GABRE: variants seen among roughly 807,000 people sequenced by gnomAD.
GABRE encodes gamma-aminobutyric acid type A receptor subunit epsilon, also known as gamma-aminobutyric acid receptor subunit epsilon.
GABRE carries 20 observed loss-of-function variants against 31.0 expected under a neutral mutation model. The ratio of observed to expected loss-of-function variants is 0.64; its 90% CI spans 0.45 to 0.94. The LOEUF (loss-of-function observed/expected upper bound fraction) is 0.94. Ranked by LOEUF, GABRE falls within the 40% of genes least tolerant of loss-of-function variation. The probability of loss-of-function intolerance (pLI) is 0.00; values close to 1 mark genes in which losing one functional copy is unlikely to be tolerated. For synonymous variants in GABRE, 155 were observed against 150.6 expected (o/e 1.03, Z -0.21); for missense variants, 420 against 410.7 (o/e 1.02, Z -0.20).
At chrX:151,957,618 C>T (rs933187733) in intron 6 of GABRE, 1 of 250,348 alleles carries the variant, frequency 4.0e-6, no homozygotes, top group Non-Finnish European at 7.5e-6. Flanking sequence ...TTTATTCTGG[C>T]CAAAAAAGAA....
intron 1 of GABRE, among the ~76,000 whole-genome samples, chrX:151,970,728 T>C (rs950938378): frequency 1.8e-5 from 2 of 112,364 alleles, no homozygotes; most frequent in African/African-American, 6.5e-5. Context: ...GCTGGCCCAC[T>C]GTGACTAGCC....
chrX:151,971,623 T>G (rs1337412532), intron 1 of GABRE: 4 of 124,611 alleles, frequency 3.2e-5, no homozygotes, highest in African/African-American at 1.3e-4. Flanking sequence ...AATTGGAGGG[T>G]GGGTGGTGTA....
intron 2 of GABRE, 98 bp downstream of exon 2, chrX:151,970,087 G>C: frequency 2.6e-6 from 3 of 1,162,597 alleles, no homozygotes; most frequent in Non-Finnish European, 3.4e-6. Flanking sequence ...CTGTCCATGA[G>C]CATGGCACCC....
intron 1 of GABRE, among the ~76,000 whole-genome samples, chrX:151,972,864 C>T (rs1418482776): frequency 2.3e-5 from 2 of 88,520 alleles, no homozygotes; most frequent in African/African-American, 6.5e-5. Flanking sequence ...TTGAAAAACA[C>T]TCACACATTG....
chrX:151,974,630 G>A lies in GABRE; in HGVS notation c.-5C>T. ...TGGAAGAACTTTGGACAACATTTCC[G>A]CGGAGACCGGCGCGACCACCTGCGC... On this transcript the variant is annotated 5_prime_UTR_variant, in exon 1 of 9. Coordinates refer to ENST00000370328, the MANE Select transcript of GABRE (RefSeq NM_004961.4). The A allele has an allele frequency of 8.6e-7, 1 of 1,166,449 alleles. No homozygotes were observed. Among genetic ancestry groups the A allele is most frequent in the East Asian group, 3.3e-5 (1 of 30,522 alleles).
At chrX:151,974,403 G>C (rs1160780089) in intron 1 of GABRE, among the ~76,000 whole-genome samples, 167 bp downstream of exon 1, 1 of 111,486 alleles carries the variant, frequency 9.0e-6, no homozygotes, top group African/African-American at 3.3e-5. Flanking sequence ...GCCGAGGCCG[G>C]CGCGCATCGA....
chrX:151,971,688 C>T (rs1208371770), intron 1 of GABRE: 1 of 112,763 alleles, frequency 8.9e-6, no homozygotes, highest in Non-Finnish European at 1.9e-5. Context: ...ACTGTTCCCC[C>T]TACCTTTATA....
In GABRE at chrX:151,974,639, G is replaced by C. The variant is rs983503044; in HGVS notation, c.-14C>G. On this transcript the variant is annotated 5_prime_UTR_variant, in exon 1 of 9. Transcript: ENST00000370328. The stretch of plus-strand genomic sequence containing the variant: ...TTTGGACAACATTTCCGCGGAGACC[G>C]GCGCGACCACCTGCGCGGAGGTCGC... 1.0e-5 allele frequency: 12 copies of C among 1,158,091 alleles called. No homozygotes were observed. In the South Asian group the frequency reaches 1.5e-4, roughly 15 times the overall value.
At chrX:151,973,035 A>AT (rs754938720) in intron 1 of GABRE, among the ~76,000 whole-genome samples, 37 of 55,613 alleles carry the variant, frequency 6.7e-4, no homozygotes, top group East Asian at 1.5e-3. Context: ...AAGATGTTGG[A>AT]TTTTTTTCTA....
rs1934816784 is a variant in GABRE at position 151,974,158 on chromosome X, C to G, written c.56+412G>C. Among the ~76,000 whole-genome samples the G allele has an allele frequency of 4.5e-5, 5 of 111,681 alleles. No individual in the cohort carries two copies. In the Admixed American group the frequency reaches 4.7e-4, roughly 10 times the overall value. On this transcript the variant is annotated intron_variant, in intron 1 of 8. Coordinates refer to ENST00000370328, the MANE Select transcript of GABRE (RefSeq NM_004961.4). Reference sequence around the variant, plus strand: ...CTAAGCTCCCTCAGCCCGCGCACCCCCTTCTCAAAATGCACCTCCGGCCCC... The same window carrying G: ...CTAAGCTCCCTCAGCCCGCGCACCCGCTTCTCAAAATGCACCTCCGGCCCC...
At position 151,959,915 on chromosome X, in the gene GABRE, C is replaced by G. The variant is rs760847906; in HGVS notation, c.708G>C (p.Glu236Asp). The change falls in exon 6 of 9, where the codon GAG (glutamate) becomes GAC (aspartate). Residue 236 changes from glutamate (E) to aspartate (D), a missense_variant. Physicochemically the swap from Glu to Asp is conservative, Grantham distance 45 (BLOSUM62 2). Transcript: ENST00000370328. Reference sequence around the variant, plus strand: ...ACTGGAAGAGCTTCCAGGAGTTCTTCTCATTGATTTCAAGCTTGAAATTTT... The same window carrying G: ...ACTGGAAGAGCTTCCAGGAGTTCTTGTCATTGATTTCAAGCTTGAAATTTT... ...KWENFKLEINEKNSWKLFQFD... is the reference protein window; with the variant it reads ...KWENFKLEINDKNSWKLFQFD... The G allele has an allele frequency of 1.7e-6, 2 of 1,208,899 alleles. No homozygotes were observed. Among genetic ancestry groups the G allele is most frequent in the Non-Finnish European group, 2.2e-6 (2 of 892,922 alleles).
chrX:151,955,316 G>A lies in GABRE; in HGVS notation c.1137+52C>T. ...TGCCATAACCCCAGTACCCTTGCTA[G>A]CATGTCTCTACACTCCAAAGCCTTG... On this transcript the variant is annotated intron_variant, in intron 8 of 8. Transcript: ENST00000370328. 3 of 1,208,199 alleles carry A rather than the reference G, an allele frequency of 2.5e-6. No individual in the cohort carries two copies. In the Admixed American group the frequency reaches 6.5e-5, roughly 26 times the overall value.
intron 3 of GABRE, among the ~76,000 whole-genome samples, chrX:151,964,966 C>T (rs933468668): frequency 3.6e-5 from 4 of 111,463 alleles, no homozygotes; most frequent in African/African-American, 9.8e-5. Context: ...GCCTGGCCAA[C>T]GTGGTGAAAC....
chrX:151,957,797 C>T, intron 6 of GABRE: 1 of 217,078 alleles, frequency 4.6e-6, no homozygotes, highest in Non-Finnish European at 8.5e-6. Flanking sequence ...GTTTTCTGCT[C>T]AAACTCTTAT....
intron 1 of GABRE, 43 bp downstream of exon 1, chrX:151,974,527 A>C: frequency 1.0e-5 from 9 of 859,703 alleles, no homozygotes; most frequent in South Asian, 2.4e-5. Context: ...GGGGAGAGGG[A>C]GCTGGGCGCG....
At position 151,955,060 on chromosome X, in the gene GABRE, C is replaced by T. The variant is rs1301299607; in HGVS notation, c.1162G>A (p.Ala388Thr). ...GCTCGGGAACGTGCACGGGTACGGG[C>T]ATGGGCACGGCTATTGATACGAGGC... ...RHPRINSRAH[A>T]RTRARSRACA... Residue 388 changes from alanine to threonine, a missense_variant, in exon 9 of 9, where the codon GCC (alanine) becomes ACC (threonine). Coordinates refer to ENST00000370328, the MANE Select transcript of GABRE (RefSeq NM_004961.4). 1.7e-5 allele frequency: 20 copies of T among 1,200,593 alleles called. No individual in the cohort carries two copies. Among genetic ancestry groups the T allele is most frequent in the Non-Finnish European group, 2.2e-5 (20 of 890,260 alleles).
chrX:151,972,404 A>G (rs981530806), intron 1 of GABRE: 60 of 751,884 alleles, frequency 8.0e-5, no homozygotes, highest in Non-Finnish European at 8.8e-5. Context: ...AGAGGAGGAA[A>G]AATGGAGCCC....
chrX:151,964,044 C>T (rs73616095), intron 3 of GABRE, among the ~76,000 whole-genome samples: 1,325 of 111,991 alleles, frequency 0.012, 17 homozygotes, highest in African/African-American at 0.041. Flanking sequence ...AAACTGAATG[C>T]GCCCTACAAA....
chrX:151,959,422 C>T (rs1481473798), intron 6 of GABRE: 6 of 265,791 alleles, frequency 2.3e-5, no homozygotes, highest in Non-Finnish European at 4.3e-5. Flanking sequence ...CTAGCCTCCA[C>T]CTCCCACTAC....
Sources: gnomAD v4.1 joint callset for allele counts (sites outside exome capture counted in the v4.1 genomes callset) on GRCh38, gnomAD v4.1.1 for gene constraint, MANE v1.5 for transcripts, NCBI Gene and HGNC (gene_info 2026-07-23, HGNC 2026-07-21) for gene names.